The following SYTL5 variants were observed in gnomAD, a reference collection of about 807,000 sequenced individuals.
SYTL5 encodes the protein synaptotagmin like 5.
Under a neutral mutation model 55.9 loss-of-function variants are expected in SYTL5, and 34 were observed. That is an observed-to-expected ratio of 0.61 (90% CI 0.46 to 0.81). The LOEUF is 0.81. Among genes scored for constraint, SYTL5 ranks in the 30% least tolerant of loss-of-function variants. The pLI, the probability that SYTL5 is intolerant of heterozygous loss-of-function variation, is 0.00. For synonymous variants in SYTL5, 221 were observed against 188.7 expected, an observed-to-expected ratio of 1.17 and a Z score of -1.40; for missense variants, 637 against 546.7, an observed-to-expected ratio of 1.17 and a Z score of -1.65.
chrX:37,904,665 C>T, the SYTL5 span, among the ~76,000 whole-genome samples: 8 of 110,965 alleles, frequency 7.2e-5, no homozygotes, highest in African/African-American at 2.6e-4. Context: ...ATATTCCCTA[C>T]GCATCCAATT....
chrX:38,055,416 C>A (rs1004414349), intron 3 of SYTL5, among the ~76,000 whole-genome samples: 16 of 111,393 alleles, frequency 1.4e-4, no homozygotes, highest in Non-Finnish European at 3.0e-4. Flanking sequence ...CTCTACTGCT[C>A]CCCTCCTTTT....
the SYTL5 span, among the ~76,000 whole-genome samples, chrX:37,903,854 C>T: frequency 9.0e-6 from 1 of 111,400 alleles, no homozygotes; most frequent in Non-Finnish European, 1.9e-5. Context: ...CTCCTGCCTC[C>T]TCCATGAAGT....
the SYTL5 span, among the ~76,000 whole-genome samples, chrX:37,966,604 A>G: frequency 9.2e-6 from 1 of 108,793 alleles, no homozygotes; most frequent in African/African-American, 3.4e-5. Context: ...CGTCTGGCTA[A>G]TTTTTGTATT....
chrX:38,056,906 C>A (rs1160646109), intron 3 of SYTL5, among the ~76,000 whole-genome samples: 1 of 111,400 alleles, frequency 9.0e-6, no homozygotes, highest in Non-Finnish European at 1.9e-5. Context: ...GGGTACTTTG[C>A]AAATATTTTC....
chrX:37,952,296 C>T, the SYTL5 span, among the ~76,000 whole-genome samples: 1 of 111,558 alleles, frequency 9.0e-6, no homozygotes, highest in East Asian at 2.8e-4. Flanking sequence ...TTGTCTAGCC[C>T]TGGGTTTGTC....
the SYTL5 span, among the ~76,000 whole-genome samples, chrX:37,953,142 AAATT>A: frequency 9.0e-6 from 1 of 111,185 alleles, no homozygotes; most frequent in Non-Finnish European, 1.9e-5. Context: ...AAAAATAAAT[AAATT>A]AATTTAAAAA....
intron 2 of SYTL5, among the ~76,000 whole-genome samples, chrX:38,049,639 C>T (rs1602343505): frequency 9.0e-6 from 1 of 111,695 alleles, no homozygotes; most frequent in African/African-American, 3.3e-5. Context: ...GATTACACTC[C>T]ATTGGCCAGC....
the SYTL5 span, among the ~76,000 whole-genome samples, chrX:37,905,649 C>T: frequency 0.042 from 4,681 of 112,217 alleles, 249 homozygotes; most frequent in African/African-American, 0.14. Context: ...GCTGTGCATC[C>T]TGAAGCCCGT....
intron 1 of SYTL5, among the ~76,000 whole-genome samples, chrX:38,019,170 G>A (rs866586219): frequency 4.5e-5 from 5 of 112,151 alleles, no homozygotes; most frequent in Middle Eastern, 4.6e-3. Context: ...TGAAGCAGTC[G>A]TCGGCGCCAC....
the SYTL5 span, among the ~76,000 whole-genome samples, chrX:37,909,832 A>G: frequency 9.1e-6 from 1 of 109,607 alleles, no homozygotes; most frequent in Non-Finnish European, 1.9e-5. Flanking sequence ...CTGCCACCAC[A>G]CGCGGCTGAT....
intron 13 of SYTL5, among the ~76,000 whole-genome samples, chrX:38,115,635 G>GTAA (rs1220890268): frequency 9.0e-6 from 1 of 111,112 alleles, no homozygotes; most frequent in Non-Finnish European, 1.9e-5. Context: ...CAGGTATGAG[G>GTAA]TAATAGCTCA....
chrX:38,042,510 A>G (rs1201071170), intron 2 of SYTL5, among the ~76,000 whole-genome samples: 2 of 111,800 alleles, frequency 1.8e-5, no homozygotes, highest in African/African-American at 6.5e-5. Context: ...GGCAGTTCAA[A>G]CCCATGTTGT....
At chrX:37,903,458 C>G in the SYTL5 span, among the ~76,000 whole-genome samples, 1 of 105,702 alleles carries the variant, frequency 9.5e-6, no homozygotes, top group Non-Finnish European at 1.9e-5. Context: ...GGGCAAAAAA[C>G]CAAACACTGC....
intron 1 of SYTL5, among the ~76,000 whole-genome samples, chrX:38,024,952 A>G (rs1035415335): frequency 5.4e-5 from 6 of 111,976 alleles, no homozygotes; most frequent in African/African-American, 1.9e-4. Flanking sequence ...CTGTAATTCC[A>G]TAGCATCTCT....
chrX:38,022,245 C>T (rs1934576972), intron 1 of SYTL5, among the ~76,000 whole-genome samples: 1 of 112,188 alleles, frequency 8.9e-6, no homozygotes, highest in Non-Finnish European at 1.9e-5. Flanking sequence ...TAGCCTATCC[C>T]AACTGATACA....
chrX:38,034,401 G>C (rs958741370), intron 2 of SYTL5, among the ~76,000 whole-genome samples: 4 of 111,650 alleles, frequency 3.6e-5, no homozygotes, highest in African/African-American at 1.3e-4. Context: ...CACCTTATAG[G>C]GTTGTTGTAA....
At position 38,127,357 on chromosome X, in the gene SYTL5, C is replaced by T. The variant is rs1467404703; in HGVS notation, c.*627C>T. 8.9e-6 allele frequency: 1 copy of T among 111,891 alleles called. No individual in the cohort carries two copies. Among genetic ancestry groups the T allele is most frequent in the Non-Finnish European group, 1.9e-5 (1 of 53,134 alleles). 9.2% of individuals were successfully genotyped at this position (111,891 alleles called of 1,213,427 possible). ...AGAGAGCTAAATAACTACATCAGAA[C>T]GATTGATGTTGATTAGAATTGACCT... On this transcript the variant is annotated 3_prime_UTR_variant, in exon 17 of 17. Transcript: ENST00000297875.
At chrX:38,037,460 C>T (rs1935138478) in intron 2 of SYTL5, among the ~76,000 whole-genome samples, 1 of 111,869 alleles carries the variant, frequency 8.9e-6, no homozygotes, top group Admixed American at 9.5e-5. Context: ...TAGTAAAGTT[C>T]GTTTCAGGGG....
chrX:38,087,035 C>A (rs1196763895), intron 6 of SYTL5, among the ~76,000 whole-genome samples: 1 of 111,228 alleles, frequency 9.0e-6, no homozygotes, highest in Non-Finnish European at 1.9e-5. Flanking sequence ...ACATAAGTAG[C>A]ACTTTTGGTT....
Sources: allele counts gnomAD v4.1 joint callset (sites outside exome capture counted in the v4.1 genomes callset), GRCh38; gene constraint gnomAD v4.1.1; transcripts MANE v1.5; gene names NCBI Gene and HGNC (gene_info 2026-07-23, HGNC 2026-07-21).